The following JMJD1C variants were observed in gnomAD, a reference collection of about 807,000 sequenced individuals.
JMJD1C encodes jumonji domain containing 1C.
Under a neutral mutation model 245.3 loss-of-function variants are expected in JMJD1C, and 31 were observed. The ratio of observed to expected loss-of-function variants is 0.13; its 90% confidence interval spans 0.09 to 0.17. The LOEUF is 0.17. Ranked by LOEUF, JMJD1C falls within the 10% of genes least tolerant of loss-of-function variation. The pLI, the probability that JMJD1C is intolerant of heterozygous loss-of-function variation, is 1.00. For synonymous variants in JMJD1C, 1,057 were observed against 1,017.4 expected, an observed-to-expected ratio of 1.04 and a Z score of -0.74; for missense variants, 2,691 against 3,000.2, an observed-to-expected ratio of 0.90 and a Z score of 2.41.
intron 1 of JMJD1C, among the ~76,000 whole-genome samples, chr10:63,398,912 G>A (rs1287038201): frequency 2.0e-5 from 3 of 152,186 alleles, no homozygotes; most frequent in Non-Finnish European, 2.9e-5. Flanking sequence ...CTCCCAAAGT[G>A]CTGGCATTAC....
rs762134268 is a variant in JMJD1C at position 63,208,784 on chromosome 10, G to C, written c.2885C>G (p.Ala962Gly). Residue 962 changes from alanine (A) to glycine (G), a missense_variant, in exon 10 of 26, where the codon GCT (alanine) becomes GGT (glycine). By Grantham distance (60) the Ala-to-Gly change is moderately conservative. Coordinates refer to ENST00000399262, the MANE Select transcript of JMJD1C (RefSeq NM_032776.3). ...AACAGACCGTAATGGTTCCATAAAAGCTTTTCTTTCTAATTCTCTGTAAAG... is the reference window on the plus strand; with the variant it reads ...AACAGACCGTAATGGTTCCATAAAACCTTTTCTTTCTAATTCTCTGTAAAG... ...DHHKEELERK[A>G]FMEPLRSVAS... 6.3e-7 allele frequency: 1 copy of C among 1,579,142 alleles called. No homozygotes were observed. Among genetic ancestry groups the C allele is most frequent in the Non-Finnish European group, 8.6e-7 (1 of 1,168,336 alleles).
At chr10:63,359,686 G>A (rs911998816) in intron 2 of JMJD1C, among the ~76,000 whole-genome samples, 3 of 152,058 alleles carry the variant, frequency 2.0e-5, no homozygotes, top group Non-Finnish European at 4.4e-5. Flanking sequence ...TGAGTTGGTC[G>A]TTTCCTCCTG....
rs150867727 is a variant in JMJD1C, at chr10:63,212,456, C to T, written c.2694+1017G>A. Among the ~76,000 whole-genome samples, 372 of 152,056 alleles carry T rather than the reference C, an allele frequency of 2.4e-3. 3 individuals are homozygous for T. In the South Asian group the frequency reaches 0.03, roughly 12 times the overall value. On this transcript the variant is annotated intron_variant, in intron 8 of 25. Coordinates refer to ENST00000399262, the MANE Select transcript of JMJD1C (RefSeq NM_032776.3). The stretch of plus-strand genomic sequence containing the variant: ...ATATCAATTTTTCCATTTTTTATAC[C>T]GGGGCTAGTATTGCTCTCAATAACC...
chr10:63,351,801 T>TA (rs1034052746), intron 2 of JMJD1C, among the ~76,000 whole-genome samples: 1 of 151,578 alleles, frequency 6.6e-6, no homozygotes, highest in Non-Finnish European at 1.5e-5. Context: ...AAATACGGCT[T>TA]AAAAAAAAAT....
intron 7 of JMJD1C, 35 bp downstream of exon 7, chr10:63,215,228 G>A (rs777302638): frequency 6.4e-7 from 1 of 1,553,562 alleles, no homozygotes; most frequent in South Asian, 1.2e-5. Flanking sequence ...TGTTTTATTT[G>A]TTTTCATTCC....
intron 2 of JMJD1C, among the ~76,000 whole-genome samples, chr10:63,327,566 A>G (rs1410127669): frequency 1.3e-5 from 2 of 152,200 alleles, no homozygotes; most frequent in Non-Finnish European, 2.9e-5. Flanking sequence ...CAAAGTTACG[A>G]GAAGATGTAG....
chr10:63,168,642 A>G, intron 24 of JMJD1C, 76 bp from the exon 25 acceptor site: 1 of 1,342,882 alleles, frequency 7.4e-7, no homozygotes, highest in Non-Finnish European at 9.9e-7. Context: ...TTTAAAACCA[A>G]TAAACACAAG....
intron 1 of JMJD1C, among the ~76,000 whole-genome samples, chr10:63,402,954 A>G (rs1948954488): frequency 6.6e-6 from 1 of 152,160 alleles, no homozygotes; most frequent in Non-Finnish European, 1.5e-5. Flanking sequence ...CCCTTACTCT[A>G]CGGATCAGTA....
intron 1 of JMJD1C, among the ~76,000 whole-genome samples, chr10:63,481,999 TA>T (rs1953845400): frequency 6.6e-6 from 1 of 152,210 alleles, no homozygotes; most frequent in Admixed American, 6.5e-5. Flanking sequence ...AAGCTACAAG[TA>T]CATTTCAAAA....
intron 2 of JMJD1C, among the ~76,000 whole-genome samples, chr10:63,344,831 T>A (rs1447139203): frequency 1.3e-5 from 2 of 152,088 alleles, no homozygotes; most frequent in African/African-American, 4.8e-5. Flanking sequence ...CCACTACATA[T>A]CTAACAGTAT....
chr10:63,216,978 T>C (rs995097756), intron 5 of JMJD1C, among the ~76,000 whole-genome samples: 1 of 152,240 alleles, frequency 6.6e-6, no homozygotes, highest in Non-Finnish European at 1.5e-5. Flanking sequence ...TTAATGCCTC[T>C]ATTTTAGGAA....
chr10:63,306,370 G>A (rs1002007801), intron 2 of JMJD1C, among the ~76,000 whole-genome samples: 1 of 152,174 alleles, frequency 6.6e-6, no homozygotes, highest in Non-Finnish European at 1.5e-5. Flanking sequence ...AATTACAGGC[G>A]TGAGCCACCG....
intron 2 of JMJD1C, among the ~76,000 whole-genome samples, chr10:63,316,862 G>A (rs540642655): frequency 6.6e-6 from 1 of 152,024 alleles, no homozygotes; most frequent in African/African-American, 2.4e-5. Flanking sequence ...CTTTTTGTTT[G>A]TTTGTTTTTT....
chr10:63,418,714 A>G (rs1949937127), intron 1 of JMJD1C, among the ~76,000 whole-genome samples: 1 of 148,000 alleles, frequency 6.8e-6, no homozygotes, highest in African/African-American at 2.4e-5. Flanking sequence ...AATAATTAAA[A>G]TATCATGTGG....
chr10:63,430,171 C>A (rs985551210), intron 1 of JMJD1C, among the ~76,000 whole-genome samples: 1 of 152,186 alleles, frequency 6.6e-6, no homozygotes, highest in Non-Finnish European at 1.5e-5. Context: ...GAAATTACTT[C>A]ACACCATATA....
chr10:63,403,809 G>A (rs964051449), intron 1 of JMJD1C, among the ~76,000 whole-genome samples: 41 of 152,144 alleles, frequency 2.7e-4, no homozygotes, highest in Non-Finnish European at 1.6e-4. Context: ...GGTGGCTCAC[G>A]CCTGTAATTC....
At chr10:63,352,490 T>G (rs1944444322) in intron 2 of JMJD1C, among the ~76,000 whole-genome samples, 1 of 151,738 alleles carries the variant, frequency 6.6e-6, no homozygotes, top group African/African-American at 2.4e-5. Context: ...ATACAAAAAT[T>G]AGCTGGGCGT....
rs1415015430 is a variant in JMJD1C, at chr10:63,337,622, A to AG, written c.333+42695dup. On this transcript the variant is annotated intron_variant, in intron 2 of 25. Coordinates refer to ENST00000399262, the MANE Select transcript of JMJD1C (RefSeq NM_032776.3). ...AGAAAAGAAAAGAAAAGAAAAGAAAAGAAAAAGAAAAGAAAAAAAATCCGC... is the reference window on the plus strand; with the variant it reads ...AGAAAAGAAAAGAAAAGAAAAGAAAAGGAAAAAGAAAAGAAAAAAAATCCGC... 1.1e-3 allele frequency among the ~76,000 whole-genome samples: 72 copies of AG among 67,254 alleles called. 5 individuals carry two copies. The African/African-American group carries it at 0.012, about 11-fold the overall frequency. 44.1% of individuals were successfully genotyped at this position (67,254 alleles called of 152,430 possible).
rs756966644 is a variant in JMJD1C at position 63,207,053 on chromosome 10, G to C, written c.4616C>G (p.Ser1539Cys). The change falls in exon 10 of 26, where the codon TCC becomes TGC. Residue 1539 changes from serine to cysteine, a missense_variant. By Grantham distance (112) the Ser-to-Cys change is moderately radical. Transcript: ENST00000399262. ...ATGGTAGTTTGGTTGACTTGTCTGGGAAGCTTGCCCATTTCCTACAGAGTT... is the reference window on the plus strand; with the variant it reads ...ATGGTAGTTTGGTTGACTTGTCTGGCAAGCTTGCCCATTTCCTACAGAGTT... ...KANSVGNGQA[S>C]QTSQPNYHTK... 201 of 1,614,016 alleles carry C rather than the reference G, an allele frequency of 1.2e-4. No individual in the cohort carries two copies. The highest frequency in any genetic ancestry group is 1.7e-4 in the Non-Finnish European group (199 of 1,180,038).
Sources: gnomAD v4.1 joint callset for allele counts (sites outside exome capture counted in the v4.1 genomes callset) on GRCh38, gnomAD v4.1.1 for gene constraint, MANE v1.5 for transcripts, NCBI Gene and HGNC (gene_info 2026-07-23, HGNC 2026-07-21) for gene names.